GET1: variants seen among roughly 807,000 people sequenced by gnomAD.
The protein encoded by GET1 is guided entry of tail-anchored proteins factor 1.
A neutral mutation model predicts 22.6 loss-of-function variants in GET1; 20 were observed. The observed-to-expected ratio is 0.89, with a 90% CI of 0.62 to 1.29. The LOEUF is 1.29. Among genes scored for constraint, GET1 ranks in the 50% most tolerant of loss-of-function variants. The pLI is 0.00. For missense variants in GET1, 209 were observed against 219.9 expected, an observed-to-expected ratio of 0.95 and a Z score of 0.31; for synonymous variants, 92 against 83.8, an observed-to-expected ratio of 1.10 and a Z score of -0.53.
At chr21:39,416,942 C>T (rs2041285600) in intron 1 of GET1, among the ~76,000 whole-genome samples, 1 of 152,216 alleles carries the variant, frequency 6.6e-6, no homozygotes, top group South Asian at 2.1e-4. Context: ...TCAGCGTTCC[C>T]TGTCTGCAGG....
intron 1 of GET1, among the ~76,000 whole-genome samples, chr21:39,390,018 G>C (rs1483418411): frequency 1.3e-5 from 2 of 149,526 alleles, no homozygotes; most frequent in Non-Finnish European, 3.0e-5. Context: ...GAAAAATATA[G>C]TTTGAATAGC....
intron 1 of GET1, among the ~76,000 whole-genome samples, chr21:39,384,398 A>T (rs374219941): frequency 7.9e-5 from 12 of 151,894 alleles, no homozygotes; most frequent in African/African-American, 2.9e-4. Context: ...CTGGGATTAC[A>T]TGCATGCACC....
At chr21:39,406,269 C>T (rs767936464) in exon 5 of GET1, 2 of 1,613,926 alleles carry the variant, frequency 1.2e-6, no homozygotes, top group Admixed American at 1.7e-5. Flanking sequence ...CATTGGCTGG[C>T]CCCCCTGAAG....
At chr21:39,418,226 G>A (rs1479347048) in intron 1 of GET1, among the ~76,000 whole-genome samples, 5 of 152,168 alleles carry the variant, frequency 3.3e-5, no homozygotes, top group Non-Finnish European at 5.9e-5. Context: ...TGAGATTTGG[G>A]TGGGGACACA....
At chr21:39,396,815 G>T in intron 4 of GET1, 51 bp from the exon 5 acceptor site, 1 of 1,517,858 alleles carries the variant, frequency 6.6e-7, no homozygotes, top group Non-Finnish European at 9.2e-7. Context: ...AGAGACAGAT[G>T]GGGGCAGCAC....
At chr21:39,385,540 G>C (rs963890098) in intron 1 of GET1, among the ~76,000 whole-genome samples, 8 of 152,218 alleles carry the variant, frequency 5.3e-5, no homozygotes, top group Non-Finnish European at 1.2e-4. Flanking sequence ...AGTTCATTCA[G>C]TAGGTGGTCC....
chr21:39,387,045 A>C (rs1278183899), intron 1 of GET1, among the ~76,000 whole-genome samples: 1 of 152,036 alleles, frequency 6.6e-6, no homozygotes, highest in Non-Finnish European at 1.5e-5. Flanking sequence ...TTTTTGGTAG[A>C]GATTGGGTCT....
chr21:39,427,930 G>A, intron 1 of GET1: 1 of 302,216 alleles, frequency 3.3e-6, no homozygotes, highest in Non-Finnish European at 6.2e-6. Context: ...AACCTCACTA[G>A]TAGGCTCCAG....
At chr21:39,395,430 T>A (rs1389545127) in intron 4 of GET1, among the ~76,000 whole-genome samples, 2 of 151,974 alleles carry the variant, frequency 1.3e-5, no homozygotes, top group African/African-American at 2.4e-5. Flanking sequence ...AGTGGTGTGA[T>A]CTCTGCTCAC....
Position 39,391,798 on chromosome 21 carries a change from A to G in GET1, c.298A>G (p.Ile100Val), listed in dbSNP as rs2038313423. Residue 100 changes from isoleucine (I) to valine (V), a missense_variant, in exon 3 of 5, where the codon ATA becomes GTA. Physicochemically the swap from Ile to Val is conservative, Grantham distance 29. Transcript: ENST00000649170. ...VKARTAQLAK[I>V]KWVISVAFYV... Reference sequence around the variant, plus strand: ...AGCTCGGACAGCTCAATTAGCCAAGATAAAATGGGTGATAAGTGTCGCTTT... The same window carrying G: ...AGCTCGGACAGCTCAATTAGCCAAGGTAAAATGGGTGATAAGTGTCGCTTT... 1.2e-6 allele frequency: 2 copies of G among 1,614,070 alleles called. No individual in the cohort carries two copies. The highest frequency in any genetic ancestry group is 3.3e-5 in the Admixed American group (2 of 60,002).
chr21:39,420,085 A>T (rs529493479), intron 1 of GET1, among the ~76,000 whole-genome samples: 24 of 152,356 alleles, frequency 1.6e-4, no homozygotes, highest in Admixed American at 4.6e-4. Flanking sequence ...GAATGCTAAC[A>T]AGAAGCCTTG....
intron 1 of GET1, chr21:39,387,768 C>A: frequency 1.0e-6 from 1 of 985,274 alleles, no homozygotes; most frequent in Non-Finnish European, 1.2e-6. Context: ...CACGCGCATG[C>A]GCAGACACCC....
chr21:39,423,083 C>A, intron 1 of GET1: 1 of 1,614,088 alleles, frequency 6.2e-7, no homozygotes, highest in Middle Eastern at 1.6e-4. Context: ...TTCTGCAGTG[C>A]CTGCAAGATA....
At chr21:39,405,063 C>G (rs1282511708) in intron 4 of GET1, among the ~76,000 whole-genome samples, 2 of 151,076 alleles carry the variant, frequency 1.3e-5, no homozygotes, top group African/African-American at 2.4e-5. Context: ...AAACTCCTAA[C>G]CTCAGGTGAT....
chr21:39,386,799 G>T (rs2037935624), intron 1 of GET1, among the ~76,000 whole-genome samples: 1 of 151,900 alleles, frequency 6.6e-6, no homozygotes, highest in Non-Finnish European at 1.5e-5. Context: ...ACACTTATAC[G>T]TGGGTCTTGG....
rs539367327 is a variant in GET1 at position 39,416,542 on chromosome 21, C to T, written c.*23+5605C>T. 5.9e-4 allele frequency among the ~76,000 whole-genome samples: 90 copies of T among 152,254 alleles called. 2 individuals are homozygous for T. In the South Asian group the frequency reaches 0.018, roughly 31 times the overall value. The stretch of plus-strand genomic sequence containing the variant: ...TTCAGTGGGATATGGAACTTACAGA[C>T]CATAATCTGGGTGCTGGAGGTGTTC... On this transcript the variant is annotated intron_variant, in intron 1 of 1. Transcript: ENST00000478273.
At chr21:39,420,229 T>TA (rs921117951) in intron 1 of GET1, among the ~76,000 whole-genome samples, 9 of 152,106 alleles carry the variant, frequency 5.9e-5, no homozygotes, top group African/African-American at 2.2e-4. Flanking sequence ...TTAATGAAGT[T>TA]ACATAATTTA....
At chr21:39,420,680 C>CT (rs776604292) in intron 1 of GET1, 1 of 1,588,986 alleles carries the variant, frequency 6.3e-7, no homozygotes, top group Non-Finnish European at 8.6e-7. Context: ...GGATTTCATT[C>CT]TTACATTTTG....
rs918912375 is a variant in GET1 at position 39,397,408 on chromosome 21, G to A, written c.*469G>A. 1 of 156,570 alleles carries A rather than the reference G, an allele frequency of 6.4e-6. No individual in the cohort carries two copies. Among genetic ancestry groups the A allele is most frequent in the African/African-American group, 2.4e-5 (1 of 41,440 alleles). The allele number at this position is 156,570 out of a possible 1,614,324, so 9.7% of individuals were successfully genotyped here. On this transcript the variant is annotated 3_prime_UTR_variant, in exon 5 of 5. Coordinates refer to ENST00000649170, the MANE Select transcript of GET1 (RefSeq NM_004627.6). The stretch of plus-strand genomic sequence containing the variant: ...TTTCTTCTTTAATCACATTCAATAT[G>A]GTTAAAAGAACAACACTAATTGACA...
Sources: gnomAD v4.1 joint callset for allele counts (sites outside exome capture counted in the v4.1 genomes callset) on GRCh38, gnomAD v4.1.1 for gene constraint, MANE v1.5 for transcripts, NCBI Gene and HGNC (gene_info 2026-07-23, HGNC 2026-07-21) for gene names.